COG5: variants seen among roughly 807,000 people sequenced by gnomAD.
The protein encoded by COG5 is conserved oligomeric Golgi complex subunit 5.
A neutral mutation model predicts 110.4 loss-of-function variants in COG5; 86 were observed. That is an observed-to-expected ratio of 0.78 (90% confidence interval 0.65 to 0.93). The LOEUF is 0.93. Ranked by LOEUF, COG5 falls within the 40% of genes least tolerant of loss-of-function variation. The probability of loss-of-function intolerance (pLI) is 0.00; values close to 1 mark genes in which losing one functional copy is unlikely to be tolerated. For missense variants in COG5, 1,077 were observed against 987.0 expected (o/e 1.09, Z -1.22); for synonymous variants, 360 against 334.6 (o/e 1.08, Z -0.83).
chr7:107,405,224 T>A (rs1791747220), intron 7 of COG5, among the ~76,000 whole-genome samples: 1 of 152,170 alleles, frequency 6.6e-6, no homozygotes, highest in South Asian at 2.1e-4. Context: ...GATAATTATA[T>A]CTTCTTCACA....
At chr7:107,464,199 A>G (rs532257228) in intron 6 of COG5, among the ~76,000 whole-genome samples, 1 of 152,278 alleles carries the variant, frequency 6.6e-6, no homozygotes, top group African/African-American at 2.4e-5. Context: ...CAGACTCCAC[A>G]AATGAACTTA....
intron 18 of COG5, among the ~76,000 whole-genome samples, chr7:107,234,929 G>C (rs886567765): frequency 2.0e-5 from 3 of 152,068 alleles, no homozygotes; most frequent in Non-Finnish European, 4.4e-5. Flanking sequence ...TAAATGTACA[G>C]GTGCCTAAGA....
At chr7:107,361,967 T>A in intron 10 of COG5, 66 bp downstream of exon 10, 1 of 1,079,938 alleles carries the variant, frequency 9.3e-7, no homozygotes, top group Non-Finnish European at 1.4e-6. Flanking sequence ...GTAACACAAA[T>A]GATGCTGACT....
In COG5 at chr7:107,298,458, C is replaced by T. The variant is rs75254991; in HGVS notation, c.1109-112G>A. 0.2 allele frequency: 150,004 copies of T among 754,138 alleles called. 15,759 individuals are homozygous for T. Among genetic ancestry groups the T allele is most frequent in the Non-Finnish European group, 0.21 (98,233 of 465,152 alleles). The allele number at this position is 754,138 out of a possible 1,614,324, so 46.7% of individuals were successfully genotyped here. A position where few individuals can be genotyped will look rare whatever the true frequency, so the allele number is the denominator to read the frequency against. On this transcript the variant is annotated intron_variant, in intron 11 of 21. Coordinates refer to ENST00000297135, the MANE Select transcript of COG5 (RefSeq NM_006348.5). Reference sequence around the variant, plus strand: ...CCCATACTATAGGGCAAACCAAAGACGTGTTCTAATGAGGCCTTTTATAAT... The same window carrying T: ...CCCATACTATAGGGCAAACCAAAGATGTGTTCTAATGAGGCCTTTTATAAT...
chr7:107,377,706 C>T (rs1021335015), intron 7 of COG5, among the ~76,000 whole-genome samples: 1 of 152,188 alleles, frequency 6.6e-6, no homozygotes, highest in Non-Finnish European at 1.5e-5. Context: ...AAAATAAGAG[C>T]ATCAACCTAA....
At chr7:107,333,882 T>G (rs1050636604) in intron 10 of COG5, among the ~76,000 whole-genome samples, 1 of 152,134 alleles carries the variant, frequency 6.6e-6, no homozygotes, top group African/African-American at 2.4e-5. Flanking sequence ...CATACTTACC[T>G]AGAGATCACT....
rs116418236 is a variant in COG5 at position 107,282,214 on chromosome 7, A to C, written c.1476-815T>G. 5.4e-3 allele frequency among the ~76,000 whole-genome samples: 827 copies of C among 152,314 alleles called. 10 individuals carry two copies. Among genetic ancestry groups the C allele is most frequent in the African/African-American group, 0.019 (805 of 41,576 alleles). On this transcript the variant is annotated intron_variant, in intron 13 of 21. Transcript: ENST00000297135. ...ATGTGTAACAAAAATGCACTTTCATACAGTATTGAGACATAATTTTGTTAA... is the reference window on the plus strand; with the variant it reads ...ATGTGTAACAAAAATGCACTTTCATCCAGTATTGAGACATAATTTTGTTAA...
At chr7:107,348,623 A>T (rs1264278065) in intron 10 of COG5, among the ~76,000 whole-genome samples, 1 of 152,078 alleles carries the variant, frequency 6.6e-6, no homozygotes, top group Non-Finnish European at 1.5e-5. Context: ...ATAATTTTGA[A>T]TTTACAGAAA....
intron 18 of COG5, among the ~76,000 whole-genome samples, chr7:107,232,291 C>T (rs181841227): frequency 1.3e-5 from 2 of 152,278 alleles, no homozygotes; most frequent in East Asian, 1.9e-4. Flanking sequence ...TTCATTTATT[C>T]ACTGGGTAGG....
rs373507723 is a variant in COG5, at chr7:107,212,059, T to C, written c.2169-834A>G. Reference sequence around the variant, plus strand: ...TACCCCAACTTAATTACTCTAATTATGAATGAAGGCCTGTACAAAATAGAG... The same window carrying C: ...TACCCCAACTTAATTACTCTAATTACGAATGAAGGCCTGTACAAAATAGAG... On this transcript the variant is annotated intron_variant, in intron 19 of 21. Coordinates refer to ENST00000297135, the MANE Select transcript of COG5 (RefSeq NM_006348.5). Among the ~76,000 whole-genome samples, 11 of 152,338 alleles carry C rather than the reference T, an allele frequency of 7.2e-5. No individual in the cohort carries two copies. The East Asian group carries it at 2.1e-3, about 29-fold the overall frequency.
chr7:107,244,192 C>T, intron 17 of COG5, among the ~76,000 whole-genome samples: 1 of 152,248 alleles, frequency 6.6e-6, no homozygotes, highest in East Asian at 1.9e-4. Context: ...GTGGAGGCAG[C>T]AGTGAGCCAA....
intron 6 of COG5, among the ~76,000 whole-genome samples, chr7:107,487,328 A>T (rs2129125560): frequency 6.6e-6 from 1 of 152,270 alleles, no homozygotes; most frequent in Admixed American, 6.5e-5. Flanking sequence ...AATAAATTTT[A>T]AAACTAATAT....
chr7:107,281,303 C>G lies in COG5; in HGVS notation c.1572G>C (p.Gln524His). 6.2e-7 allele frequency: 1 copy of G among 1,605,442 alleles called. No homozygotes were observed. The highest frequency in any genetic ancestry group is 8.5e-7 in the Non-Finnish European group (1 of 1,172,394). The change falls in exon 14 of 22, where the codon CAG (glutamine) becomes CAC (histidine). Residue 524 changes from glutamine (Q) to histidine (H), a missense_variant. Physicochemically the swap from Gln to His is conservative, Grantham distance 24. Coordinates refer to ENST00000297135, the MANE Select transcript of COG5 (RefSeq NM_006348.5). ...ACAGATAAAGGAAACCACTTACAAG[C>G]TGCTCTGATTTTACACTGTATAACT... is the stretch of plus-strand genomic sequence containing the variant. The part of the protein sequence containing the change: ...TIQLYSVKSE[Q>H]LLSTQGDASQ...
At chr7:107,441,080 C>T (rs1409878609) in intron 6 of COG5, among the ~76,000 whole-genome samples, 1 of 150,902 alleles carries the variant, frequency 6.6e-6, no homozygotes, top group African/African-American at 2.4e-5. Context: ...AGTGAAACCC[C>T]GTCTCTACTA....
intron 10 of COG5, among the ~76,000 whole-genome samples, chr7:107,349,893 T>C (rs1307568895): frequency 6.6e-6 from 1 of 152,066 alleles, no homozygotes; most frequent in Non-Finnish European, 1.5e-5. Flanking sequence ...GGTTTCACCA[T>C]GTTGGCCAGG....
intron 7 of COG5, among the ~76,000 whole-genome samples, chr7:107,388,097 C>G (rs1366541478): frequency 6.6e-6 from 1 of 152,200 alleles, no homozygotes; most frequent in Non-Finnish European, 1.5e-5. Flanking sequence ...AGAAACTTAT[C>G]TAAACAATTT....
intron 6 of COG5, among the ~76,000 whole-genome samples, chr7:107,455,629 T>C (rs1584847067): frequency 6.6e-6 from 1 of 152,328 alleles, no homozygotes; most frequent in East Asian, 1.9e-4. Context: ...TGCTAACTGA[T>C]GGTATATGTA....
At chr7:107,296,779 C>G (rs1321814807) in intron 12 of COG5, among the ~76,000 whole-genome samples, 2 of 152,016 alleles carry the variant, frequency 1.3e-5, no homozygotes, top group Non-Finnish European at 2.9e-5. Context: ...ACAAATTCAA[C>G]TATATGTATT....
intron 7 of COG5, among the ~76,000 whole-genome samples, chr7:107,379,410 C>T (rs978685214): frequency 1.3e-5 from 2 of 152,042 alleles, no homozygotes; most frequent in African/African-American, 2.4e-5. Context: ...GGATCAAATT[C>T]ACACAAAACA....
Sources: allele counts gnomAD v4.1 joint callset (sites outside exome capture counted in the v4.1 genomes callset), GRCh38; gene constraint gnomAD v4.1.1; transcripts MANE v1.5; gene names NCBI Gene and HGNC (gene_info 2026-07-23, HGNC 2026-07-21).